SPATA16: variants seen among roughly 807,000 people sequenced by gnomAD.
SPATA16 encodes spermatogenesis associated 16.
SPATA16 carries 36 observed loss-of-function variants against 63.3 expected under a neutral mutation model. That is an observed-to-expected ratio of 0.57 (90% CI 0.44 to 0.75). The LOEUF is 0.75. Among genes scored for constraint, SPATA16 ranks in the 30% least tolerant of loss-of-function variants. The pLI, the probability that SPATA16 is intolerant of heterozygous loss-of-function variation, is 0.00. For synonymous variants in SPATA16, 203 were observed against 216.7 expected (o/e 0.94, Z 0.56); for missense variants, 646 against 679.3 (o/e 0.95, Z 0.54).
intron 6 of SPATA16, among the ~76,000 whole-genome samples, chr3:172,951,452 C>G (rs532601700): frequency 6.6e-6 from 1 of 151,656 alleles, no homozygotes; most frequent in Admixed American, 6.6e-5. Context: ...CATGATAATC[C>G]ACTGTAAAGT....
intron 4 of SPATA16, among the ~76,000 whole-genome samples, chr3:172,999,598 G>A (rs1332272698): frequency 6.6e-6 from 1 of 152,120 alleles, no homozygotes; most frequent in Non-Finnish European, 1.5e-5. Flanking sequence ...ATTTTTAGTA[G>A]AGATGGGGTT....
chr3:172,925,626 A>T, intron 6 of SPATA16, 134 bp from the exon 7 acceptor site: 1 of 1,078,354 alleles, frequency 9.3e-7, no homozygotes, highest in Non-Finnish European at 1.4e-6. Context: ...AAGTAATATT[A>T]TGTGTATCAA....
At chr3:172,934,007 C>G (rs937760016) in intron 6 of SPATA16, among the ~76,000 whole-genome samples, 3 of 152,072 alleles carry the variant, frequency 2.0e-5, no homozygotes, top group African/African-American at 7.2e-5. Context: ...TGAATACATC[C>G]TGGTGATGCC....
intron 8 of SPATA16, among the ~76,000 whole-genome samples, chr3:172,921,427 C>T (rs16846259): frequency 0.097 from 14,688 of 152,170 alleles, 781 homozygotes; most frequent in African/African-American, 0.14. Flanking sequence ...CTGCTTGTCA[C>T]ACGAGCATGG....
intron 4 of SPATA16, among the ~76,000 whole-genome samples, chr3:173,016,782 A>G (rs1323275254): frequency 6.6e-6 from 1 of 152,178 alleles, no homozygotes; most frequent in Non-Finnish European, 1.5e-5. Context: ...TGTGAGGCCA[A>G]TGCCAGGAAT....
intron 3 of SPATA16, among the ~76,000 whole-genome samples, chr3:173,020,249 G>A (rs562046973): frequency 7.6e-4 from 115 of 151,486 alleles, no homozygotes; most frequent in Middle Eastern, 3.4e-3. Flanking sequence ...GTGAGATCGC[G>A]CCACTGCACT....
intron 2 of SPATA16, among the ~76,000 whole-genome samples, chr3:173,063,848 T>C (rs1305876835): frequency 6.6e-6 from 1 of 152,170 alleles, no homozygotes; most frequent in Non-Finnish European, 1.5e-5. Context: ...AGTTATATGC[T>C]TATAAAAGAA....
chr3:173,138,075 G>C (rs1007748923), intron 1 of SPATA16, among the ~76,000 whole-genome samples: 2 of 151,994 alleles, frequency 1.3e-5, no homozygotes, highest in Admixed American at 1.3e-4. Flanking sequence ...TTTCTAACAA[G>C]TTAAATGCAT....
At chr3:172,921,859 C>T (rs1481825134) in intron 8 of SPATA16, among the ~76,000 whole-genome samples, 1 of 152,144 alleles carries the variant, frequency 6.6e-6, no homozygotes, top group Non-Finnish European at 1.5e-5. Flanking sequence ...AAGTGACTTG[C>T]CCTAGGGTTA....
At chr3:173,104,148 G>A (rs1478180733) in intron 2 of SPATA16, among the ~76,000 whole-genome samples, 2 of 152,120 alleles carry the variant, frequency 1.3e-5, no homozygotes, top group Admixed American at 1.3e-4. Context: ...ACTTCATCAG[G>A]CTGGACTTCA....
chr3:173,033,708 G>C (rs1043384587), intron 3 of SPATA16, among the ~76,000 whole-genome samples: 1 of 151,936 alleles, frequency 6.6e-6, no homozygotes, highest in African/African-American at 2.4e-5. Flanking sequence ...TTTTATTTTA[G>C]TTTAGTTTTT....
intron 1 of SPATA16, among the ~76,000 whole-genome samples, chr3:173,119,338 A>G (rs1737995264): frequency 6.6e-6 from 1 of 152,146 alleles, no homozygotes; most frequent in Non-Finnish European, 1.5e-5. Flanking sequence ...AACAAACAAA[A>G]AGCATCCTGA....
intron 5 of SPATA16, among the ~76,000 whole-genome samples, chr3:172,972,268 T>C (rs1312131316): frequency 6.6e-6 from 1 of 152,146 alleles, no homozygotes; most frequent in Non-Finnish European, 1.5e-5. Flanking sequence ...AGAAAGATGC[T>C]CCACATGTCA....
chr3:173,041,392 CTTTCT>C (rs1433653928), intron 3 of SPATA16, among the ~76,000 whole-genome samples: 1 of 152,064 alleles, frequency 6.6e-6, no homozygotes, highest in African/African-American at 2.4e-5. Flanking sequence ...TTCATTGAGC[CTTTCT>C]TTTAAGAGTT....
At chr3:172,994,485 T>G (rs1056060870) in intron 4 of SPATA16, among the ~76,000 whole-genome samples, 4 of 152,084 alleles carry the variant, frequency 2.6e-5, no homozygotes, top group African/African-American at 9.7e-5. Flanking sequence ...TGTGGAAGCA[T>G]AAAATAACAT....
intron 2 of SPATA16, among the ~76,000 whole-genome samples, chr3:173,116,835 C>G (rs1383285369): frequency 6.6e-6 from 1 of 152,148 alleles, no homozygotes; most frequent in Non-Finnish European, 1.5e-5. Flanking sequence ...ATGAAAGCAA[C>G]TGCATTTTAA....
At position 173,089,369 on chromosome 3, in the gene SPATA16, A is replaced by G. The variant is rs557706722; in HGVS notation, c.612+27751T>C. ...TCTGCAAGTTTATTTTAGCTTCACTATACAAATGTTCTTATCTGAGGATGG... is the reference window on the plus strand; with the variant it reads ...TCTGCAAGTTTATTTTAGCTTCACTGTACAAATGTTCTTATCTGAGGATGG... On this transcript the variant is annotated intron_variant, in intron 2 of 10. Transcript: ENST00000351008. 8.5e-5 allele frequency among the ~76,000 whole-genome samples: 13 copies of G among 152,314 alleles called. No individual in the cohort carries two copies. In the South Asian group the frequency reaches 2.1e-3, roughly 24 times the overall value.
At chr3:172,918,188 A>G (rs1406769863) in intron 8 of SPATA16, among the ~76,000 whole-genome samples, 1 of 152,222 alleles carries the variant, frequency 6.6e-6, no homozygotes, top group African/African-American at 2.4e-5. Context: ...AGCAAGTTGG[A>G]GGAGAAACGG....
intron 2 of SPATA16, among the ~76,000 whole-genome samples, chr3:173,068,981 G>A (rs1264559723): frequency 6.6e-6 from 1 of 151,224 alleles, no homozygotes; most frequent in Non-Finnish European, 1.5e-5. Context: ...GTGGTGGCAG[G>A]CGCCTGTAGT....
Sources: allele counts gnomAD v4.1 joint callset (sites outside exome capture counted in the v4.1 genomes callset), GRCh38; gene constraint gnomAD v4.1.1; transcripts MANE v1.5; gene names NCBI Gene and HGNC (gene_info 2026-07-23, HGNC 2026-07-21).